Variants in NTM observed in about 807,000 individuals in gnomAD.
The protein encoded by NTM is neurotrimin.
A neutral mutation model predicts 42.1 loss-of-function variants in NTM; 13 were observed. The ratio of observed to expected loss-of-function variants is 0.31; its 90% CI spans 0.20 to 0.49. NTM has a LOEUF of 0.49. Among genes scored for constraint, NTM ranks in the 20% least tolerant of loss-of-function variants. The pLI, the probability that NTM is intolerant of heterozygous loss-of-function variation, is 0.99. For missense variants in NTM, 373 were observed against 452.8 expected, an observed-to-expected ratio of 0.82 and a Z score of 1.60; for synonymous variants, 187 against 179.2, an observed-to-expected ratio of 1.04 and a Z score of -0.35.
At chr11:131,640,078 G>A (rs2064952458) in intron 1 of NTM, among the ~76,000 whole-genome samples, 1 of 152,216 alleles carries the variant, frequency 6.6e-6, no homozygotes, top group East Asian at 1.9e-4. Flanking sequence ...TCCCGGAGGA[G>A]GATGGTGGCA....
intron 3 of NTM, among the ~76,000 whole-genome samples, chr11:132,198,796 G>A (rs1364955067): frequency 6.6e-6 from 1 of 152,196 alleles, no homozygotes; most frequent in African/African-American, 2.4e-5. Flanking sequence ...AAGGAGGAGT[G>A]CCTAATGTCT....
intron 4 of NTM, among the ~76,000 whole-genome samples, chr11:132,245,028 A>G (rs942086778): frequency 4.6e-5 from 7 of 152,200 alleles, no homozygotes; most frequent in Non-Finnish European, 1.0e-4. Context: ...TTTCATTTCC[A>G]GTTGAATGTG....
At chr11:131,497,455 G>A (rs1228424985) in intron 1 of NTM, among the ~76,000 whole-genome samples, 1 of 152,070 alleles carries the variant, frequency 6.6e-6, no homozygotes, top group African/African-American at 2.4e-5. Context: ...CCAAAGTGCT[G>A]GGATTACAGA....
chr11:131,851,569 G>GT (rs2045563167), intron 1 of NTM, among the ~76,000 whole-genome samples: 4 of 150,390 alleles, frequency 2.7e-5, no homozygotes, highest in Non-Finnish European at 4.4e-5. Flanking sequence ...GTGTGTGTGT[G>GT]GCCAAGTGGA....
intron 1 of NTM, among the ~76,000 whole-genome samples, chr11:131,431,688 T>G (rs1378433152): frequency 6.6e-6 from 1 of 152,210 alleles, no homozygotes. Flanking sequence ...ACAACCACCC[T>G]GGATCTGGAT....
intron 3 of NTM, among the ~76,000 whole-genome samples, chr11:132,210,524 T>C (rs1435652222): frequency 6.6e-6 from 1 of 152,200 alleles, no homozygotes; most frequent in African/African-American, 2.4e-5. Flanking sequence ...CACATAACCA[T>C]AGCATAGTGA....
intron 1 of NTM, among the ~76,000 whole-genome samples, chr11:131,623,280 TG>T (rs1476459673): frequency 6.6e-5 from 10 of 152,234 alleles, no homozygotes; most frequent in African/African-American, 2.4e-4. Flanking sequence ...CTTGGCAGCA[TG>T]GATGGACATC....
chr11:132,113,095 A>C (rs1231406126), intron 2 of NTM, among the ~76,000 whole-genome samples: 1 of 152,100 alleles, frequency 6.6e-6, no homozygotes. Flanking sequence ...CCGTCCCTCA[A>C]AGTGTTTATT....
intron 2 of NTM, among the ~76,000 whole-genome samples, chr11:132,062,818 T>C (rs754007966): frequency 6.6e-6 from 1 of 152,130 alleles, no homozygotes; most frequent in African/African-American, 2.4e-5. Context: ...AAGTCCTTTA[T>C]TGAATAGTAG....
intron 1 of NTM, among the ~76,000 whole-genome samples, chr11:131,511,278 TCAGGCCCCAGC>T (rs2048203692): frequency 6.6e-6 from 1 of 152,122 alleles, no homozygotes; most frequent in African/African-American, 2.4e-5. Context: ...AGCCATCCCC[TCAGGCCCCAGC>T]CAGGCCATGA....
chr11:131,795,892 T>C (rs1422056349), intron 1 of NTM: 1 of 980,114 alleles, frequency 1.0e-6, no homozygotes, highest in African/African-American at 1.8e-5. Flanking sequence ...CCTTGTCTAG[T>C]GTGGAGGGAT....
intron 4 of NTM, among the ~76,000 whole-genome samples, chr11:132,232,950 A>G (rs2087938491): frequency 6.6e-6 from 1 of 152,210 alleles, no homozygotes; most frequent in African/African-American, 2.4e-5. Context: ...TAACTCCTGC[A>G]TTTATTTACA....
chr11:132,055,119 C>G (rs144154918), intron 2 of NTM, among the ~76,000 whole-genome samples: 1 of 152,214 alleles, frequency 6.6e-6, no homozygotes, highest in Non-Finnish European at 1.5e-5. Flanking sequence ...AAGGATGGGG[C>G]TGGCCTTGAG....
At chr11:131,452,621 T>G (rs949765468) in intron 1 of NTM, among the ~76,000 whole-genome samples, 1 of 152,166 alleles carries the variant, frequency 6.6e-6, no homozygotes, top group African/African-American at 2.4e-5. Flanking sequence ...AGAGCCACTA[T>G]CGACATAGAC....
At chr11:131,615,512 C>G (rs548601305) in intron 1 of NTM, among the ~76,000 whole-genome samples, 2 of 152,202 alleles carry the variant, frequency 1.3e-5, no homozygotes, top group Middle Eastern at 3.4e-3. Flanking sequence ...ATTACAGGCA[C>G]CCACCACAAT....
At position 132,097,914 on chromosome 11, in the gene NTM, G is replaced by A. The variant is rs376404992; in HGVS notation, c.168-48368G>A. On this transcript the variant is annotated intron_variant, in intron 2 of 8. Transcript: ENST00000683400. Reference sequence around the variant, plus strand: ...TAAAGTGGACTCATCCGTGATGCCCGTTTTGCAATTGAGGCAAACTTTACC... The same window carrying A: ...TAAAGTGGACTCATCCGTGATGCCCATTTTGCAATTGAGGCAAACTTTACC... Among the ~76,000 whole-genome samples, 343 of 152,296 alleles carry A rather than the reference G, an allele frequency of 2.3e-3. 2 individuals carry two copies. Among genetic ancestry groups the A allele is most frequent in the African/African-American group, 7.7e-3 (319 of 41,562 alleles).
At chr11:132,322,337 T>C in intron 7 of NTM, among the ~76,000 whole-genome samples, 1 of 150,810 alleles carries the variant, frequency 6.6e-6, no homozygotes, top group African/African-American at 2.4e-5. Context: ...GAGGAAGATC[T>C]ACCAAGCAAA....
intron 1 of NTM, among the ~76,000 whole-genome samples, chr11:131,497,199 A>G (rs1215785607): frequency 6.6e-6 from 1 of 151,660 alleles, no homozygotes; most frequent in Non-Finnish European, 1.5e-5. Flanking sequence ...TTATTTATTT[A>G]TTTTTTCAAG....
intron 2 of NTM, among the ~76,000 whole-genome samples, chr11:131,967,158 T>C (rs757509157): frequency 2.6e-5 from 4 of 152,130 alleles, no homozygotes; most frequent in Non-Finnish European, 5.9e-5. Context: ...CAGGTGAATA[T>C]AAAAGAGGCT....
Sources: allele counts gnomAD v4.1 joint callset (sites outside exome capture counted in the v4.1 genomes callset), GRCh38; gene constraint gnomAD v4.1.1; transcripts MANE v1.5; gene names NCBI Gene and HGNC (gene_info 2026-07-23, HGNC 2026-07-21).